MEI4: variants seen among roughly 807,000 people sequenced by gnomAD.
MEI4 encodes meiotic double-stranded break formation protein 4, also known as meiosis-specific protein MEI4.
MEI4 carries 27 observed loss-of-function variants against 31.4 expected under a neutral mutation model. The ratio of observed to expected loss-of-function variants is 0.86; its 90% CI spans 0.63 to 1.19. The LOEUF is 1.19. Ranked by LOEUF, MEI4 falls within the 50% of genes most tolerant of loss-of-function variation. The pLI is 0.00. For synonymous variants in MEI4, 122 were observed against 145.4 expected, an observed-to-expected ratio of 0.84 and a Z score of 1.16; for missense variants, 329 against 398.9, an observed-to-expected ratio of 0.82 and a Z score of 1.49.
In MEI4 at chr6:77,920,953, A is replaced by G. The variant is rs189838919; in HGVS notation, c.901-2136A>G. 6.5e-3 allele frequency among the ~76,000 whole-genome samples: 985 copies of G among 151,992 alleles called. 12 individuals carry two copies. Among genetic ancestry groups the G allele is most frequent in the Non-Finnish European group, 9.6e-3 (651 of 67,876 alleles). On this transcript the variant is annotated intron_variant, in intron 4 of 4. Transcript: ENST00000684080. Reference sequence around the variant, plus strand: ...CAGCCAGAGTAGATTTAGCATAATAAATACTTAAGGATTCCAGAATTGTTG... The same window carrying G: ...CAGCCAGAGTAGATTTAGCATAATAGATACTTAAGGATTCCAGAATTGTTG...
rs554332985 is a variant in MEI4, at chr6:77,748,117, TTGG to T, written c.233-13009_233-13007del. On this transcript the variant is annotated intron_variant, in intron 2 of 4. Transcript: ENST00000684080. ...TTTTCCAGGCACACAGTGCAAGCTG[TTGG>T]TGGATCTACTATTCTGGGATCTGGG... is the stretch of plus-strand genomic sequence containing the variant. 8.2e-4 allele frequency among the ~76,000 whole-genome samples: 125 copies of T among 152,300 alleles called. 1 individual carries two copies. The highest frequency in any genetic ancestry group is 2.9e-3 in the African/African-American group (121 of 41,578).
At chr6:77,873,042 C>T (rs546895405) in intron 4 of MEI4, among the ~76,000 whole-genome samples, 141 of 151,828 alleles carry the variant, frequency 9.3e-4, no homozygotes, top group Admixed American at 3.0e-3. Context: ...AATAAACATA[C>T]GTGTGCATGT....
chr6:77,918,200 A>G (rs76794186), intron 4 of MEI4, among the ~76,000 whole-genome samples: 5 of 151,976 alleles, frequency 3.3e-5, no homozygotes, highest in Non-Finnish European at 5.9e-5. Flanking sequence ...GTCAGGTAGT[A>G]TGATGGCTCC....
Position 77,891,531 on chromosome 6 carries a change from CTTTT to C in MEI4, c.901-31555_901-31552del, listed in dbSNP as rs1361719896. Among the ~76,000 whole-genome samples, 6 of 152,064 alleles carry C rather than the reference CTTTT, an allele frequency of 3.9e-5. No individual in the cohort carries two copies. The East Asian group carries it at 1.2e-3, about 29-fold the overall frequency. On this transcript the variant is annotated intron_variant, in intron 4 of 4. Coordinates refer to ENST00000684080, the MANE Select transcript of MEI4 (RefSeq NM_001322247.2). The stretch of plus-strand genomic sequence containing the variant: ...TTTAGATCATGTATTGTTTTCCTGA[CTTTT>C]TTGTGTTGTTTAACCTTTGCTCTCT...
At chr6:77,774,041 A>G (rs1307057758) in intron 3 of MEI4, among the ~76,000 whole-genome samples, 1 of 152,120 alleles carries the variant, frequency 6.6e-6, no homozygotes, top group Non-Finnish European at 1.5e-5. Context: ...GTGGAGAAAA[A>G]AAGACCCTTG....
intron 4 of MEI4, among the ~76,000 whole-genome samples, chr6:77,870,954 G>C (rs1250392688): frequency 6.6e-6 from 1 of 152,054 alleles, no homozygotes. Flanking sequence ...TGGTAATTCT[G>C]CATTTTTTAC....
intron 4 of MEI4, among the ~76,000 whole-genome samples, chr6:77,911,428 T>C (rs887756517): frequency 2.0e-5 from 3 of 151,980 alleles, no homozygotes; most frequent in Non-Finnish European, 4.4e-5. Flanking sequence ...CGGTACCCAA[T>C]AGGTAGTTGT....
At chr6:77,833,709 G>T (rs981928613) in intron 4 of MEI4, among the ~76,000 whole-genome samples, 2 of 152,118 alleles carry the variant, frequency 1.3e-5, no homozygotes, top group Non-Finnish European at 2.9e-5. Flanking sequence ...ATGGTGGTTT[G>T]CTGCACCCAT....
At chr6:77,841,253 G>C (rs563274395) in intron 4 of MEI4, among the ~76,000 whole-genome samples, 1 of 143,090 alleles carries the variant, frequency 7.0e-6, no homozygotes, top group Non-Finnish European at 1.5e-5. Flanking sequence ...CAGTTGTATA[G>C]CTTCTAATTG....
intron 1 of MEI4, among the ~76,000 whole-genome samples, chr6:77,657,450 T>G (rs759629165): frequency 1.3e-5 from 2 of 149,844 alleles, no homozygotes; most frequent in Non-Finnish European, 3.0e-5. Context: ...AGCAAGCCCT[T>G]CAATTTCACA....
intron 2 of MEI4, among the ~76,000 whole-genome samples, chr6:77,740,309 G>C (rs1413351294): frequency 6.6e-6 from 1 of 152,162 alleles, no homozygotes; most frequent in African/African-American, 2.4e-5. Context: ...AGAGAGTTCT[G>C]TAGATGTCTA....
At chr6:77,734,145 C>T (rs1019719005) in intron 2 of MEI4, among the ~76,000 whole-genome samples, 64 of 151,884 alleles carry the variant, frequency 4.2e-4, no homozygotes, top group South Asian at 8.3e-4. Context: ...CTATTAGGTC[C>T]GCTTGGTGCA....
chr6:77,872,425 C>G (rs1460979675), intron 4 of MEI4, among the ~76,000 whole-genome samples: 1 of 151,932 alleles, frequency 6.6e-6, no homozygotes, highest in Non-Finnish European at 1.5e-5. Context: ...CACTTTAACC[C>G]AACCTGAACA....
intron 1 of MEI4, among the ~76,000 whole-genome samples, chr6:77,682,469 C>G (rs553324648): frequency 2.0e-5 from 3 of 152,270 alleles, no homozygotes; most frequent in Non-Finnish European, 4.4e-5. Flanking sequence ...AGAGAGTAGA[C>G]TCAGTGGAAA....
rs539689319 is a variant in MEI4 at position 77,863,886 on chromosome 6, C to T, written c.900+34824C>T. 1.8e-4 allele frequency among the ~76,000 whole-genome samples: 28 copies of T among 152,318 alleles called. 1 individual carries two copies. In the South Asian group the frequency reaches 4.4e-3, roughly 24 times the overall value. ...ATCAGACTAACAGCTGATCTCTTGG[C>T]AGAAACTCTACAAGCCAAAAGAGAG... On this transcript the variant is annotated intron_variant, in intron 4 of 4. Coordinates refer to ENST00000684080, the MANE Select transcript of MEI4 (RefSeq NM_001322247.2).
chr6:77,846,771 C>CT (rs1770497459), intron 4 of MEI4, among the ~76,000 whole-genome samples: 1 of 152,110 alleles, frequency 6.6e-6, no homozygotes, highest in African/African-American at 2.4e-5. Context: ...AACTATAGTG[C>CT]TTTTTGATTA....
chr6:77,805,408 AT>A (rs1769402988), intron 3 of MEI4, among the ~76,000 whole-genome samples: 1 of 152,164 alleles, frequency 6.6e-6, no homozygotes. Flanking sequence ...GTTAGATATT[AT>A]ACCATATAAA....
At chr6:77,907,384 AGT>A (rs1234479022) in intron 4 of MEI4, among the ~76,000 whole-genome samples, 1 of 151,306 alleles carries the variant, frequency 6.6e-6, no homozygotes. Flanking sequence ...GAGAACATGC[AGT>A]GTTTGGTTTT....
chr6:77,908,486 T>C (rs1398332380), intron 4 of MEI4, among the ~76,000 whole-genome samples: 1 of 152,132 alleles, frequency 6.6e-6, no homozygotes, highest in Non-Finnish European at 1.5e-5. Context: ...CTGAGGGCTC[T>C]GTTCTGTTCC....
Sources: allele counts gnomAD v4.1 joint callset (sites outside exome capture counted in the v4.1 genomes callset), GRCh38; gene constraint gnomAD v4.1.1; transcripts MANE v1.5; gene names NCBI Gene and HGNC (gene_info 2026-07-23, HGNC 2026-07-21).